SLF2: variants seen among roughly 807,000 people sequenced by gnomAD.
SLF2 encodes the protein SMC5-SMC6 complex localization factor protein 2.
SLF2 carries 68 observed loss-of-function variants against 124.3 expected under a neutral mutation model. The ratio of observed to expected loss-of-function variants is 0.55; its 90% CI spans 0.45 to 0.67. The LOEUF is 0.67. SLF2 is among the 30% of genes least tolerant of loss of function. The pLI is 0.00. For synonymous variants in SLF2, 480 were observed against 478.8 expected, an observed-to-expected ratio of 1.00 and a Z score of -0.03; for missense variants, 1,246 against 1,373.7, an observed-to-expected ratio of 0.91 and a Z score of 1.47.
At chr10:100,929,461 A>G in intron 7 of SLF2, 22 bp downstream of exon 7, 2 of 1,549,282 alleles carry the variant, frequency 1.3e-6, no homozygotes, top group East Asian at 2.3e-5. Context: ...TTCATAATGT[A>G]TTTTACCTTA....
chr10:100,913,126 A>C lies in SLF2; in HGVS notation c.16A>C (p.Met6Leu), dbSNP rs767014763. 48 of 1,612,616 alleles carry C rather than the reference A, an allele frequency of 3.0e-5. No individual in the cohort carries two copies. In the South Asian group the frequency reaches 4.5e-4, roughly 15 times the overall value. ...CGGCGCCGACATGACAAGGCGCTGC[A>C]TGCCCGCTAGGCCAGGTTTCCCCTC... MTRRC[M>L]PARPGFPSSP... Residue 6 changes from methionine to leucine, a missense_variant, in exon 1 of 20, where the codon ATG (methionine) becomes CTG (leucine). Transcript: ENST00000238961.
At chr10:100,916,440 A>T in intron 2 of SLF2, 130 bp from the exon 3 acceptor site, 1 of 647,318 alleles carries the variant, frequency 1.5e-6, no homozygotes, top group Non-Finnish European at 2.1e-6. Flanking sequence ...TCATTATCCA[A>T]GTTGTTGGTT....
chr10:100,936,412 C>A (rs780929308), intron 9 of SLF2, among the ~76,000 whole-genome samples: 2 of 152,114 alleles, frequency 1.3e-5, no homozygotes, highest in Non-Finnish European at 2.9e-5. Flanking sequence ...CAGCTCACTG[C>A]AAGCTCTGCC....
intron 12 of SLF2, 115 bp from the exon 13 acceptor site, chr10:100,945,211 ATGTT>A: frequency 1.3e-6 from 1 of 756,992 alleles, no homozygotes; most frequent in Non-Finnish European, 2.0e-6. Flanking sequence ...TAGACATCGG[ATGTT>A]TGTTTTCTTT....
At chr10:100,922,845 G>A (rs1014695640) in intron 4 of SLF2, among the ~76,000 whole-genome samples, 2 of 148,996 alleles carry the variant, frequency 1.3e-5, no homozygotes, top group Non-Finnish European at 3.0e-5. Flanking sequence ...GTGCCGTCTT[G>A]GCTCAGTGCA....
intron 17 of SLF2, among the ~76,000 whole-genome samples, chr10:100,952,597 A>G (rs189704722): frequency 3.3e-5 from 5 of 152,032 alleles, no homozygotes; most frequent in African/African-American, 1.2e-4. Flanking sequence ...CATGATAGAA[A>G]AGACACAAGA....
intron 4 of SLF2, among the ~76,000 whole-genome samples, chr10:100,923,573 G>A (rs1443298735): frequency 2.0e-5 from 3 of 151,240 alleles, no homozygotes; most frequent in East Asian, 1.9e-4. Context: ...TATCCTATAC[G>A]TGTTTTAAGG....
rs1370784447 is a variant in SLF2 at position 100,924,403 on chromosome 10, GAGA to G, written c.1405_1407del (p.Lys469del). On this transcript the variant is annotated inframe_deletion, in exon 5 of 20. Coordinates refer to ENST00000238961, the MANE Select transcript of SLF2 (RefSeq NM_018121.4). Reference sequence around the variant, plus strand: ...TAAAACCGCTAGCTCCACGACAAAGGAGAAGGAGACAAAACTACCTTTACTTTC... The same window carrying G: ...TAAAACCGCTAGCTCCACGACAAAGGAGGAGACAAAACTACCTTTACTTTC... 1.2e-6 allele frequency: 2 copies of G among 1,614,110 alleles called. No individual in the cohort carries two copies. The highest frequency in any genetic ancestry group is 1.7e-5 in the Admixed American group (1 of 60,016).
At chr10:100,935,584 G>A (rs1849830836) in intron 9 of SLF2, among the ~76,000 whole-genome samples, 1 of 151,536 alleles carries the variant, frequency 6.6e-6, no homozygotes, top group African/African-American at 2.4e-5. Context: ...GGAGGATGAG[G>A]CACGAGAATC....
intron 12 of SLF2, among the ~76,000 whole-genome samples, chr10:100,944,982 A>G (rs1850075170): frequency 6.6e-6 from 1 of 151,800 alleles, no homozygotes; most frequent in African/African-American, 2.4e-5. Flanking sequence ...GTAAGCCGAG[A>G]TCACACCACT....
rs1352636608 is a variant in SLF2 at position 100,916,683 on chromosome 10, A to C, written c.298A>C (p.Lys100Gln). 6.5e-7 allele frequency: 1 copy of C among 1,540,214 alleles called. No homozygotes were observed. Among genetic ancestry groups the C allele is most frequent in the East Asian group, 2.2e-5 (1 of 44,476 alleles). ...ERKLSSPKES[K>Q]PKRVPPEKSP... ...GAAACTATCCTCACCAAAAGAATCT[A>C]AACCCAAAAGGGTGCCACCAGAAAA... is the stretch of plus-strand genomic sequence containing the variant. Residue 100 changes from lysine to glutamine, a missense_variant, in exon 3 of 20, where the codon AAA becomes CAA. By Grantham distance (53) the Lys-to-Gln change is moderately conservative. Transcript: ENST00000238961.
At chr10:100,926,097 T>A (rs760687097) in intron 6 of SLF2, 78 bp downstream of exon 6, 15 of 1,610,862 alleles carry the variant, frequency 9.3e-6, no homozygotes, top group East Asian at 6.7e-5. Flanking sequence ...TTACCTTTTT[T>A]AAAAAATCAT....
intron 11 of SLF2, among the ~76,000 whole-genome samples, chr10:100,941,523 T>C (rs1385295531): frequency 1.3e-5 from 2 of 152,160 alleles, no homozygotes; most frequent in Admixed American, 6.5e-5. Context: ...GGCAAAAAAA[T>C]CTTTCTTCCA....
rs1850468444 is a variant in SLF2, at chr10:100,963,926, A to G, written c.*2014A>G. ...TTAATTATATTTCTCCTTTAGAAAAAAAATACTTCATGGTCCCTCTAAAAT... is the reference window on the plus strand; with the variant it reads ...TTAATTATATTTCTCCTTTAGAAAAGAAATACTTCATGGTCCCTCTAAAAT... On this transcript the variant is annotated 3_prime_UTR_variant, in exon 20 of 20. Transcript: ENST00000238961. The G allele has an allele frequency of 6.6e-6, 1 of 152,632 alleles. No individual in the cohort carries two copies. The highest frequency in any genetic ancestry group is 2.4e-5 in the African/African-American group (1 of 41,446). The allele number at this position is 152,632 out of a possible 1,614,324, so 9.5% of individuals were successfully genotyped here.
At chr10:100,942,676 G>A (rs942655777) in intron 11 of SLF2, among the ~76,000 whole-genome samples, 5 of 152,062 alleles carry the variant, frequency 3.3e-5, no homozygotes, top group Non-Finnish European at 7.4e-5. Flanking sequence ...CCGCCACCAC[G>A]CCAGCCTAAT....
chr10:100,946,587 A>T (rs1457573714), intron 13 of SLF2, among the ~76,000 whole-genome samples: 1 of 152,032 alleles, frequency 6.6e-6, no homozygotes. Flanking sequence ...TCGGCCTCCC[A>T]AAGTGCTGGG....
chr10:100,946,019 C>T (rs1041222706), intron 13 of SLF2, among the ~76,000 whole-genome samples: 5 of 152,162 alleles, frequency 3.3e-5, no homozygotes, highest in African/African-American at 1.2e-4. Context: ...GTCATACCTA[C>T]AACCAGAATT....
rs1011307905 is a variant in SLF2, at chr10:100,924,332, C to G, written c.1331C>G (p.Ser444Cys). 2.5e-6 allele frequency: 4 copies of G among 1,613,874 alleles called. No individual in the cohort carries two copies. Among genetic ancestry groups the G allele is most frequent in the South Asian group, 1.1e-5 (1 of 91,072 alleles). ...ATGCAGAAACCCCACTTACCTTTAT[C>G]TCAGGAAAAGTCTGCAATTAAAAAA... ...TKMQKPHLPL[S>C]QEKSAIKKAS... Residue 444 changes from serine (S) to cysteine (C), a missense_variant, in exon 5 of 20, where the codon TCT becomes TGT. Ser to Cys is a moderately radical substitution (Grantham distance 112, BLOSUM62 -1). Coordinates refer to ENST00000238961, the MANE Select transcript of SLF2 (RefSeq NM_018121.4).
Position 100,962,073 on chromosome 10 carries a change from C to A in SLF2, c.*161C>A. ...ATGAAGCTGGTAATGAAGAAATTGC[C>A]ATTTCTGAAGCAGATATGAAATATG... On this transcript the variant is annotated 3_prime_UTR_variant, in exon 20 of 20. Coordinates refer to ENST00000238961, the MANE Select transcript of SLF2 (RefSeq NM_018121.4). The A allele has an allele frequency of 3.4e-6, 2 of 595,472 alleles. No individual in the cohort carries two copies. Among genetic ancestry groups the A allele is most frequent in the South Asian group, 3.0e-5 (1 of 33,644 alleles). The allele number at this position is 595,472 out of a possible 1,614,324, so 36.9% of individuals were successfully genotyped here. A position where few individuals can be genotyped will look rare whatever the true frequency, so the allele number is the denominator to read the frequency against.
Sources: allele counts gnomAD v4.1 joint callset (sites outside exome capture counted in the v4.1 genomes callset), GRCh38; gene constraint gnomAD v4.1.1; transcripts MANE v1.5; gene names NCBI Gene and HGNC (gene_info 2026-07-23, HGNC 2026-07-21).